The following ITGB1 variants were observed in gnomAD, a reference collection of about 807,000 sequenced individuals.
The protein encoded by ITGB1 is integrin subunit beta 1, also known as integrin beta-1.
ITGB1 carries 24 observed loss-of-function variants against 86.5 expected under a neutral mutation model. That is an observed-to-expected ratio of 0.28 (90% CI 0.20 to 0.39). The LOEUF is 0.39. ITGB1 is among the 10% of genes least tolerant of loss of function. ITGB1 has a pLI of 1.00. For synonymous variants in ITGB1, 323 were observed against 316.8 expected (o/e 1.02, Z -0.21); for missense variants, 556 against 946.9 (o/e 0.59, Z 5.42).
At chr10:32,932,127 A>G (rs1305886840) in intron 3 of ITGB1, among the ~76,000 whole-genome samples, 1 of 152,146 alleles carries the variant, frequency 6.6e-6, no homozygotes, top group Non-Finnish European at 1.5e-5. Context: ...TAAAAATCTA[A>G]TATGTGCCAC....
At chr10:32,906,201 C>A (rs2137157309) in intron 15 of ITGB1, among the ~76,000 whole-genome samples, 1 of 152,196 alleles carries the variant, frequency 6.6e-6, no homozygotes, top group Non-Finnish European at 1.5e-5. Flanking sequence ...ATACAAATAT[C>A]ATAGTAGGTT....
intron 1 of ITGB1, among the ~76,000 whole-genome samples, chr10:32,939,981 G>A (rs534006997): frequency 6.6e-6 from 1 of 152,082 alleles, no homozygotes; most frequent in African/African-American, 2.4e-5. Context: ...CTCCTTCTTC[G>A]GGACCACTTC....
intron 15 of ITGB1, among the ~76,000 whole-genome samples, chr10:32,905,326 A>G (rs2137155397): frequency 6.6e-6 from 1 of 152,330 alleles, no homozygotes; most frequent in Non-Finnish European, 1.5e-5. Flanking sequence ...CCTGTACTGT[A>G]GGCTCTTATT....
At chr10:32,926,253 AT>A in intron 5 of ITGB1, 144 bp from the exon 6 acceptor site, 1 of 646,772 alleles carries the variant, frequency 1.5e-6, no homozygotes, top group Non-Finnish European at 2.7e-6. Context: ...AAATTCCTAC[AT>A]TGAAAACCTA....
chr10:32,925,731 G>T, intron 6 of ITGB1, 140 bp downstream of exon 6: 1 of 655,844 alleles, frequency 1.5e-6, no homozygotes. Flanking sequence ...CAATTTAAGG[G>T]TTTACTTAAA....
intron 1 of ITGB1, among the ~76,000 whole-genome samples, chr10:32,951,364 G>A (rs1265903203): frequency 1.3e-5 from 2 of 151,616 alleles, no homozygotes; most frequent in Non-Finnish European, 1.5e-5. Flanking sequence ...AATGAGAAAC[G>A]TTGTCTAATG....
At chr10:32,950,914 T>C (rs2095041312) in intron 1 of ITGB1, among the ~76,000 whole-genome samples, 1 of 152,196 alleles carries the variant, frequency 6.6e-6, no homozygotes, top group Non-Finnish European at 1.5e-5. Flanking sequence ...CTAGTGACTC[T>C]ACCCGCCTTC....
At chr10:32,904,960 T>A (rs1020388487) in intron 15 of ITGB1, among the ~76,000 whole-genome samples, 17 of 151,894 alleles carry the variant, frequency 1.1e-4, no homozygotes, top group South Asian at 4.1e-4. Flanking sequence ...AGGACAGAAA[T>A]TTTTTCTCTT....
At chr10:32,906,438 A>C (rs1200114477) in intron 15 of ITGB1, 1 of 217,692 alleles carries the variant, frequency 4.6e-6, no homozygotes, top group African/African-American at 2.4e-5. Context: ...AAAAACAAAA[A>C]AATTAGCCTA....
intron 1 of ITGB1, among the ~76,000 whole-genome samples, chr10:32,955,068 C>A (rs925744188): frequency 5.9e-5 from 9 of 152,134 alleles, no homozygotes; most frequent in Non-Finnish European, 1.0e-4. Context: ...CCCCTTTAAG[C>A]TGGGTACATA....
intron 1 of ITGB1, among the ~76,000 whole-genome samples, chr10:32,937,533 C>T (rs866317685): frequency 2.5e-4 from 29 of 116,078 alleles, no homozygotes; most frequent in Admixed American, 1.6e-3. Flanking sequence ...TCTAGCCTGG[C>T]GAAAGAGCGA....
intron 11 of ITGB1, among the ~76,000 whole-genome samples, chr10:32,917,050 C>A (rs1593861465): frequency 6.6e-6 from 1 of 151,354 alleles, no homozygotes; most frequent in Non-Finnish European, 1.5e-5. Flanking sequence ...CATCTACAAC[C>A]ATCTGATCTT....
intron 11 of ITGB1, among the ~76,000 whole-genome samples, chr10:32,916,301 T>A (rs2094931238): frequency 6.6e-6 from 1 of 152,190 alleles, no homozygotes; most frequent in African/African-American, 2.4e-5. Context: ...GTGTTGGAAG[T>A]TCTGGCCAGG....
chr10:32,915,814 T>C (rs779908801), intron 11 of ITGB1, among the ~76,000 whole-genome samples: 4 of 152,252 alleles, frequency 2.6e-5, no homozygotes, highest in Non-Finnish European at 5.9e-5. Context: ...ACTCACGTTA[T>C]GAGGCCAGCA....
intron 1 of ITGB1, among the ~76,000 whole-genome samples, chr10:32,951,273 G>C (rs1351892971): frequency 2.6e-5 from 4 of 151,960 alleles, no homozygotes; most frequent in Non-Finnish European, 5.9e-5. Flanking sequence ...ATTTAGGCTG[G>C]AATCCTCTAC....
intron 11 of ITGB1, among the ~76,000 whole-genome samples, chr10:32,919,130 GCA>G (rs2094940944): frequency 6.6e-6 from 1 of 152,140 alleles, no homozygotes; most frequent in Admixed American, 6.6e-5. Context: ...TTGTTACTTA[GCA>G]CAGACAATTA....
At chr10:32,928,749 T>A (rs1206633775) in intron 4 of ITGB1, among the ~76,000 whole-genome samples, 1 of 149,982 alleles carries the variant, frequency 6.7e-6, no homozygotes, top group Non-Finnish European at 1.5e-5. Flanking sequence ...TTTATTATTA[T>A]TTATTATTTA....
At chr10:32,943,462 G>C (rs1003298919) in intron 1 of ITGB1, among the ~76,000 whole-genome samples, 16 of 150,964 alleles carry the variant, frequency 1.1e-4, no homozygotes, top group South Asian at 6.4e-4. Context: ...CTGGTGTGCA[G>C]GGCAGGTGCA....
chr10:32,920,979 T>A (rs2094947677), intron 9 of ITGB1, among the ~76,000 whole-genome samples: 1 of 138,654 alleles, frequency 7.2e-6, no homozygotes, highest in African/African-American at 2.5e-5. Context: ...TGCGACTCCA[T>A]CTAAAAAACA....
Sources: gnomAD v4.1 joint callset for allele counts (sites outside exome capture counted in the v4.1 genomes callset) on GRCh38, gnomAD v4.1.1 for gene constraint, MANE v1.5 for transcripts, NCBI Gene and HGNC (gene_info 2026-07-23, HGNC 2026-07-21) for gene names.